The following CD1B variants were observed in gnomAD, a reference collection of about 807,000 sequenced individuals.
CD1B encodes T-cell surface glycoprotein CD1b.
In CD1B, 43 loss-of-function variants were observed where a neutral mutation model predicts 39.8. The observed-to-expected ratio is 1.08, with a 90% CI of 0.85 to 1.39. The LOEUF (loss-of-function observed/expected upper bound fraction) is 1.39. Ranked by LOEUF, CD1B falls within the 40% of genes most tolerant of loss-of-function variation. CD1B has a pLI of 0.00. For missense variants in CD1B, 495 were observed against 403.8 expected (o/e 1.23, Z -1.94); for synonymous variants, 192 against 152.5 (o/e 1.26, Z -1.91).
chr1:158,293,701 C>T, the CD1B span: 4 of 1,050,176 alleles, frequency 3.8e-6, no homozygotes, highest in Admixed American at 4.2e-5. Context: ...GTCATTTCCT[C>T]CAACGATCTT....
chr1:158,314,951 C>T, the CD1B span, among the ~76,000 whole-genome samples: 1 of 148,628 alleles, frequency 6.7e-6, no homozygotes, highest in Non-Finnish European at 1.5e-5. Flanking sequence ...ATGATGATTT[C>T]CAATTTCATC....
the CD1B span, among the ~76,000 whole-genome samples, chr1:158,316,669 C>T: frequency 2.0e-5 from 3 of 150,816 alleles, no homozygotes; most frequent in Admixed American, 1.3e-4. Flanking sequence ...TGCCTAATTG[C>T]CCTGGCCAGA....
chr1:158,286,221 C>G, the CD1B span, among the ~76,000 whole-genome samples: 1 of 152,258 alleles, frequency 6.6e-6, no homozygotes, highest in East Asian at 1.9e-4. Context: ...GGGTTCTAAT[C>G]ATAGGGTGTC....
chr1:158,329,261 T>C, intron 4 of CD1B, 109 bp downstream of exon 4: 1 of 1,342,676 alleles, frequency 7.4e-7, no homozygotes. Context: ...AATCAATCAA[T>C]CAATCTCTCC....
the CD1B span, among the ~76,000 whole-genome samples, chr1:158,313,391 G>C: frequency 1.3e-5 from 2 of 152,024 alleles, no homozygotes; most frequent in African/African-American, 4.8e-5. Flanking sequence ...TCTCACCACA[G>C]CCTCAACCTC....
the CD1B span, chr1:158,293,723 A>G: frequency 5.9e-6 from 5 of 847,342 alleles, no homozygotes; most frequent in South Asian, 8.5e-5. Flanking sequence ...CTTGACCCAT[A>G]CTGAACCCAG....
the CD1B span, among the ~76,000 whole-genome samples, chr1:158,322,947 T>C: frequency 1.3e-5 from 2 of 152,202 alleles, no homozygotes; most frequent in Non-Finnish European, 2.9e-5. Flanking sequence ...ATTTCGAGAG[T>C]CAAAGGGTAT....
the CD1B span, among the ~76,000 whole-genome samples, chr1:158,300,991 T>C: frequency 6.6e-6 from 1 of 151,924 alleles, no homozygotes; most frequent in East Asian, 1.9e-4. Context: ...ATTGCCTGAC[T>C]TCATGATCTG....
At chr1:158,286,934 G>A in the CD1B span, among the ~76,000 whole-genome samples, 5 of 152,178 alleles carry the variant, frequency 3.3e-5, no homozygotes, top group African/African-American at 1.2e-4. Context: ...GTATATATCA[G>A]CACCTCCTAC....
At chr1:158,318,209 G>T in the CD1B span, among the ~76,000 whole-genome samples, 2 of 152,140 alleles carry the variant, frequency 1.3e-5, no homozygotes, top group African/African-American at 2.4e-5. Context: ...TTCAATTCCT[G>T]GGTATCCTTG....
At chr1:158,291,210 C>T in the CD1B span, 1 of 1,613,960 alleles carries the variant, frequency 6.2e-7, no homozygotes. Context: ...GAGGTCAGGG[C>T]TCAGGATGGC....
downstream of CD1B, among the ~76,000 whole-genome samples, chr1:158,326,807 TA>T (rs772385493): frequency 6.6e-6 from 1 of 151,952 alleles, no homozygotes; most frequent in Non-Finnish European, 1.5e-5. Context: ...TTATTATTAT[TA>T]TTTTTGGAGA....
chr1:158,321,597 C>T, the CD1B span, among the ~76,000 whole-genome samples: 5 of 152,172 alleles, frequency 3.3e-5, no homozygotes, highest in Non-Finnish European at 5.9e-5. Context: ...TTCTACCACT[C>T]TTGCTATATC....
At chr1:158,318,876 C>T in the CD1B span, among the ~76,000 whole-genome samples, 1 of 152,184 alleles carries the variant, frequency 6.6e-6, no homozygotes, top group African/African-American at 2.4e-5. Flanking sequence ...CAAAATCTTT[C>T]AGCATTTGCT....
At chr1:158,307,924 C>T in the CD1B span, among the ~76,000 whole-genome samples, 2 of 152,132 alleles carry the variant, frequency 1.3e-5, no homozygotes, top group Non-Finnish European at 2.9e-5. Context: ...AAAACTGGCA[C>T]AAGACAGGGA....
At chr1:158,308,402 C>T in the CD1B span, among the ~76,000 whole-genome samples, 3 of 152,172 alleles carry the variant, frequency 2.0e-5, no homozygotes, top group Non-Finnish European at 4.4e-5. Flanking sequence ...AATGGCCATA[C>T]TGCCCAAGGT....
chr1:158,320,753 AT>A, the CD1B span, among the ~76,000 whole-genome samples: 1 of 150,712 alleles, frequency 6.6e-6, no homozygotes, highest in Non-Finnish European at 1.5e-5. Flanking sequence ...TTTCTTTTTG[AT>A]TTTTTTCACT....
the CD1B span, among the ~76,000 whole-genome samples, chr1:158,314,577 A>C: frequency 6.6e-6 from 1 of 152,072 alleles, no homozygotes; most frequent in East Asian, 1.9e-4. Flanking sequence ...TTTTAAATGT[A>C]AGCCTTTATT....
intron 1 of CD1B, 132 bp downstream of exon 1, chr1:158,331,231 A>G (rs1380358097): frequency 2.8e-6 from 3 of 1,080,490 alleles, no homozygotes; most frequent in Non-Finnish European, 4.1e-6. Context: ...CCCAACCACC[A>G]GAATGGTTGA....
Sources: allele counts gnomAD v4.1 joint callset (sites outside exome capture counted in the v4.1 genomes callset), GRCh38; gene constraint gnomAD v4.1.1; transcripts MANE v1.5; gene names NCBI Gene and HGNC (gene_info 2026-07-23, HGNC 2026-07-21).